Variants in KIF5C observed in about 807,000 individuals in gnomAD.
KIF5C encodes the protein kinesin family member 5C.
KIF5C carries 18 observed loss-of-function variants against 125.2 expected under a neutral mutation model. The ratio of observed to expected loss-of-function variants is 0.14; its 90% CI spans 0.10 to 0.21. The LOEUF is 0.21. KIF5C is among the 10% of genes least tolerant of loss of function. KIF5C has a pLI of 1.00. For missense variants in KIF5C, 780 were observed against 1,183.8 expected (o/e 0.66, Z 5.01); for synonymous variants, 405 against 434.0 (o/e 0.93, Z 0.83).
chr2:148,930,713 C>T (rs1413641911), intron 3 of KIF5C, among the ~76,000 whole-genome samples: 1 of 152,196 alleles, frequency 6.6e-6, no homozygotes, highest in African/African-American at 2.4e-5. Context: ...TGTTGACTCT[C>T]TTTCACCTGT....
rs1278789587 is a variant in KIF5C at position 148,924,241 on chromosome 2, T to TA, written c.217+2016dup. On this transcript the variant is annotated intron_variant, in intron 2 of 25. Coordinates refer to ENST00000435030, the MANE Select transcript of KIF5C (RefSeq NM_004522.3). This position sits in a 1 kb window ranked among gnomAD's most constrained non-coding sequence, Gnocchi z 4.0. ...TAGCTGAGGTATCTCTTGCCATGAG[T>TA]AACCCTATTTAAATCAAGATTGGGA... 6.6e-6 allele frequency among the ~76,000 whole-genome samples: 1 copy of TA among 152,162 alleles called. No homozygotes were observed. Among genetic ancestry groups the TA allele is most frequent in the Non-Finnish European group, 1.5e-5 (1 of 68,036 alleles).
intron 5 of KIF5C, 93 bp from the exon 6 acceptor site, chr2:148,941,842 G>T: frequency 6.6e-7 from 1 of 1,518,764 alleles, no homozygotes; most frequent in South Asian, 1.3e-5. Context: ...GATTAGATTT[G>T]ACTGTCTTTG....
chr2:148,913,788 A>G (rs1029293368), intron 1 of KIF5C, among the ~76,000 whole-genome samples: 5 of 152,158 alleles, frequency 3.3e-5, no homozygotes, highest in African/African-American at 4.8e-5. Flanking sequence ...TATCCTTGTT[A>G]TCTTCCATTT....
chr2:148,964,382 T>C (rs1218396213), intron 11 of KIF5C, among the ~76,000 whole-genome samples: 5 of 152,110 alleles, frequency 3.3e-5, no homozygotes, highest in African/African-American at 1.2e-4. Context: ...TGTATGATGA[T>C]ATACTCTGGC....
intron 11 of KIF5C, among the ~76,000 whole-genome samples, chr2:148,968,991 C>G (rs147336955): frequency 7.6e-4 from 115 of 152,306 alleles, no homozygotes; most frequent in African/African-American, 2.6e-3. Flanking sequence ...AATCTCTGCT[C>G]TGGAGTTACT....
intron 1 of KIF5C, chr2:148,878,695 G>A (rs548866609): frequency 1.3e-4 from 20 of 152,360 alleles, no homozygotes; most frequent in African/African-American, 4.8e-4. Context: ...ATGGTCCCAA[G>A]TCAATTCAGT....
intron 12 of KIF5C, among the ~76,000 whole-genome samples, chr2:148,974,883 G>T (rs1681020817): frequency 6.6e-6 from 1 of 152,162 alleles, no homozygotes; most frequent in South Asian, 2.1e-4. Flanking sequence ...GCGGAATCGG[G>T]ATCATTTACC....
At chr2:148,991,553 T>A (rs1230244750) in intron 16 of KIF5C, among the ~76,000 whole-genome samples, 1 of 152,036 alleles carries the variant, frequency 6.6e-6, no homozygotes, top group Non-Finnish European at 1.5e-5. Context: ...CACTTTAATA[T>A]GGAAAAACAG....
In KIF5C at chr2:149,011,806, TG is replaced by T; in HGVS notation, c.*7+128del. ...TTCTGCTCTACTCCAGCACACACCC[TG>T]GGGGTTCCAGGTAAACAGAGACCCA... On this transcript the variant is annotated intron_variant, in intron 25 of 25. Coordinates refer to ENST00000435030, the MANE Select transcript of KIF5C (RefSeq NM_004522.3). 10 of 1,349,916 alleles carry T rather than the reference TG, an allele frequency of 7.4e-6. No homozygotes were observed. In the South Asian group the frequency reaches 1.0e-4, roughly 13 times the overall value. 83.6% of individuals were successfully genotyped at this position (1,349,916 alleles called of 1,614,324 possible).
intron 15 of KIF5C, among the ~76,000 whole-genome samples, chr2:148,985,388 T>C (rs1681352902): frequency 6.6e-6 from 1 of 152,188 alleles, no homozygotes; most frequent in Admixed American, 6.5e-5. Flanking sequence ...ATGTGTACAG[T>C]CATGAAACCA....
Position 148,875,575 on chromosome 2 carries a change from G to GCCCCCCCCCCCTCCCCCCGCCCCC in KIF5C, c.-37_-36insCCCCCTCCCCCCGCCCCCCCCCCC. On this transcript the variant is annotated 5_prime_UTR_variant, in exon 1 of 26. Transcript: ENST00000435030. The stretch of plus-strand genomic sequence containing the variant: ...TCCTCCCTCGTCGTTCCCGGCCCCG[G>GCCCCCCCCCCCTCCCCCCGCCCCC]CCCCCCACCCATCCCCGTGCCCCCT... 3 of 699,604 alleles carry GCCCCCCCCCCCTCCCCCCGCCCCC rather than the reference G, an allele frequency of 4.3e-6. No homozygotes were observed. The highest frequency in any genetic ancestry group is 3.6e-5 in the African/African-American group (2 of 55,562). The allele number at this position is 699,604 out of a possible 1,614,324, so 43.3% of individuals were successfully genotyped here. A position where few individuals can be genotyped will look rare whatever the true frequency, so the allele number is the denominator to read the frequency against.
chr2:148,996,311 G>A (rs1681671676), intron 17 of KIF5C, among the ~76,000 whole-genome samples: 1 of 152,192 alleles, frequency 6.6e-6, no homozygotes, highest in Admixed American at 6.5e-5. Context: ...TGTGTCAGAC[G>A]CCAAGGCAAA....
In KIF5C at chr2:148,900,498, C is replaced by G. The variant is rs543923336; in HGVS notation, c.127-21639C>G. ...AGTCAGCTGACATAGGGGCCTCTCCCTCCCTGCCAACAGAACCCTGGGAAT... is the reference window on the plus strand; with the variant it reads ...AGTCAGCTGACATAGGGGCCTCTCCGTCCCTGCCAACAGAACCCTGGGAAT... On this transcript the variant is annotated intron_variant, in intron 1 of 25. Transcript: ENST00000435030. 1.2e-3 allele frequency among the ~76,000 whole-genome samples: 178 copies of G among 152,326 alleles called. 1 individual carries two copies. The highest frequency in any genetic ancestry group is 3.7e-3 in the African/African-American group (154 of 41,578).
rs575872228 is a variant in KIF5C at position 148,876,667 on chromosome 2, G to T, written c.126+924G>T. Among the ~76,000 whole-genome samples, 4 of 152,128 alleles carry T rather than the reference G, an allele frequency of 2.6e-5. No homozygotes were observed. The highest frequency in any genetic ancestry group is 2.9e-5 in the Non-Finnish European group (2 of 68,014). On this transcript the variant is annotated intron_variant, in intron 1 of 25. Transcript: ENST00000435030. The surrounding 1 kb of genome is among the most constrained non-coding windows in gnomAD (Gnocchi z 4.7). ...TCTCTGCAGCTGGGGCTGCTGGTAG[G>T]GGGAGGGAACACCAATGGATTGTAG...
intron 11 of KIF5C, among the ~76,000 whole-genome samples, chr2:148,968,451 G>C (rs1439261308): frequency 1.3e-5 from 2 of 152,252 alleles, no homozygotes; most frequent in South Asian, 4.1e-4. Flanking sequence ...GAAGATGCTG[G>C]CTCCCTTCTT....
intron 4 of KIF5C, among the ~76,000 whole-genome samples, chr2:148,939,391 G>A (rs1233245475): frequency 6.6e-6 from 1 of 152,184 alleles, no homozygotes; most frequent in East Asian, 1.9e-4. Context: ...GGATACAGAA[G>A]CTTGTTGCTT....
chr2:148,995,363 C>T (rs893569855), intron 17 of KIF5C, among the ~76,000 whole-genome samples: 8 of 152,234 alleles, frequency 5.3e-5, no homozygotes, highest in Non-Finnish European at 4.4e-5. Context: ...TTCCCTGGCA[C>T]CCCCTTGAAC....
chr2:148,916,463 C>G (rs113967526), intron 1 of KIF5C, among the ~76,000 whole-genome samples: 3,018 of 152,238 alleles, frequency 0.02, 89 homozygotes, highest in African/African-American at 0.062. Flanking sequence ...GCCTGGGGAC[C>G]TGGAGGGGCC....
intron 22 of KIF5C, 88 bp from the exon 23 acceptor site, chr2:149,007,874 TG>T (rs1418672866): frequency 1.5e-6 from 2 of 1,310,092 alleles, no homozygotes; most frequent in African/African-American, 3.0e-5. Context: ...TTGGTGGGAA[TG>T]GGGATTTTTT....
Sources: gnomAD v4.1 joint callset for allele counts (sites outside exome capture counted in the v4.1 genomes callset) on GRCh38, gnomAD v4.1.1 for gene constraint, Gnocchi (gnomAD v3.1) non-coding constraint, MANE v1.5 for transcripts, NCBI Gene and HGNC (gene_info 2026-07-23, HGNC 2026-07-21) for gene names.